The following NEB variants were observed in gnomAD, a reference collection of about 807,000 sequenced individuals.
The protein encoded by NEB is nemaline myopathy type 2.
Under a neutral mutation model 952.2 loss-of-function variants are expected in NEB, and 512 were observed. That is an observed-to-expected ratio of 0.54 (90% CI 0.50 to 0.58). The LOEUF (loss-of-function observed/expected upper bound fraction) is 0.58, where lower values mean the gene tolerates loss of function less well. NEB is among the 20% of genes least tolerant of loss of function. The pLI is 0.00. For missense variants in NEB, 8,428 were observed against 9,231.1 expected (o/e 0.91, Z 3.56); for synonymous variants, 2,900 against 3,149.8 (o/e 0.92, Z 2.66).
chr2:151,671,322 G>C (rs1466367780), intron 37 of NEB, 93 bp from the exon 38 acceptor site: 3 of 1,018,748 alleles, frequency 2.9e-6, no homozygotes, highest in Non-Finnish European at 4.3e-6. Context: ...GAAATGAATA[G>C]CAACTCTTCA....
chr2:151,552,889 C>A, intron 127 of NEB, 113 bp from the exon 128 acceptor site: 1 of 708,510 alleles, frequency 1.4e-6, no homozygotes, highest in Non-Finnish European at 2.5e-6. Flanking sequence ...TTCATCAGCA[C>A]TACTCAACAG....
At chr2:151,659,217 TC>T in intron 46 of NEB, 48 bp from the exon 47 acceptor site, 1 of 1,237,382 alleles carries the variant, frequency 8.1e-7, no homozygotes, top group Non-Finnish European at 1.2e-6. Flanking sequence ...TAAAAGAAGC[TC>T]ACTTAGTACA....
At chr2:151,667,755 T>G (rs1488520525) in intron 40 of NEB, 49 bp downstream of exon 40, 5 of 1,474,490 alleles carry the variant, frequency 3.4e-6, no homozygotes. Flanking sequence ...GGTCTTGAAC[T>G]CCTGAAGTCT....
chr2:151,581,432 T>C (rs934786852), intron 103 of NEB, 51 bp downstream of exon 103: 74 of 501,076 alleles, frequency 1.5e-4, no homozygotes, highest in East Asian at 1.6e-4. Flanking sequence ...TAATAAAAGG[T>C]TTGGTTAGGC....
rs1444124606 is a variant in NEB, at chr2:151,506,146, T to C, written c.23649+20A>G. The C allele has an allele frequency of 6.4e-7, 1 of 1,570,418 alleles. No homozygotes were observed. Among genetic ancestry groups the C allele is most frequent in the East Asian group, 2.2e-5 (1 of 44,640 alleles). ...AAAGGGAGGCAGAAAATATTGCAAG[T>C]GCATTCACTGTGTCTTTACCGAGCT... On this transcript the variant is annotated intron_variant, in intron 164 of 181. Transcript: ENST00000397345.
At chr2:151,732,866 C>G (rs149089623) in intron 3 of NEB, among the ~76,000 whole-genome samples, 1 of 152,100 alleles carries the variant, frequency 6.6e-6, no homozygotes, top group African/African-American at 2.4e-5. Context: ...TTAAAACCTG[C>G]CTTTACTCCA....
chr2:151,562,264 A>G (rs1044092796), intron 120 of NEB, 50 bp from the exon 121 acceptor site: 6 of 1,431,776 alleles, frequency 4.2e-6, no homozygotes, highest in Admixed American at 1.7e-5. Flanking sequence ...TGAATTTACA[A>G]TTGAGCATTT....
At chr2:151,568,787 AT>A in intron 110 of NEB, 71 bp from the exon 111 acceptor site, 1 of 1,083,694 alleles carries the variant, frequency 9.2e-7, no homozygotes. Flanking sequence ...GATACACTAA[AT>A]TTAGAGTCCT....
chr2:151,688,614 C>T (rs1576398968), intron 24 of NEB, among the ~76,000 whole-genome samples: 1 of 152,156 alleles, frequency 6.6e-6, no homozygotes, highest in Non-Finnish European at 1.5e-5. Context: ...TCAAGACCCC[C>T]AGTAGCTGCC....
At chr2:151,550,620 A>C (rs1241692148) in intron 129 of NEB, among the ~76,000 whole-genome samples, 1 of 152,076 alleles carries the variant, frequency 6.6e-6, no homozygotes, top group Non-Finnish European at 1.5e-5. Flanking sequence ...ATTACATTTA[A>C]AATATGAAAA....
chr2:151,680,763 T>C lies in NEB; in HGVS notation c.3009A>G (p.Val1003=), dbSNP rs1246812656. ...FTSIEDAPIT[V]QSKINQAQRS... ...TCTGGGCCTGGTTAATTTTAGACTG[T>C]ACTGTAATTGGAGCATCTTCAATCG... The change falls in exon 30 of 182, where the codon GTA becomes GTG. Residue 1003 remains valine (V), a synonymous_variant. Transcript: ENST00000397345. 3 of 1,612,688 alleles carry C rather than the reference T, an allele frequency of 1.9e-6. No homozygotes were observed. Among genetic ancestry groups the C allele is most frequent in the Admixed American group, 1.7e-5 (1 of 60,022 alleles).
chr2:151,568,101 A>G lies in NEB; in HGVS notation c.17814T>C (p.His5938=), dbSNP rs776069270. ...ILPPDAVPFV[H]AHHCNDVQSE... is the part of the protein sequence containing the mutation. ...TCTGAACGTCATTGCAGTGATGGGC[A>G]TGAACAAATGGCACAGCATCTGGAG... Residue 5938 remains histidine, a synonymous_variant, in exon 113 of 182, where the codon CAT becomes CAC. Transcript: ENST00000397345. The G allele has an allele frequency of 2.1e-5, 34 of 1,613,566 alleles. No individual in the cohort carries two copies. The South Asian group carries it at 3.4e-4, about 16-fold the overall frequency.
chr2:151,631,024 T>C (rs2098656618), intron 66 of NEB, 119 bp downstream of exon 66: 1 of 1,371,730 alleles, frequency 7.3e-7, no homozygotes, highest in Admixed American at 2.2e-5. Flanking sequence ...TTCAAGCATG[T>C]AATTTAAAAG....
rs202159633 is a variant in NEB at position 151,710,467 on chromosome 2, T to C, written c.894A>G (p.Ala298=). The change falls in exon 11 of 182, where the codon GCA becomes GCG. Residue 298 remains alanine (A), a synonymous_variant. Coordinates refer to ENST00000397345, the MANE Select transcript of NEB (RefSeq NM_001164508.2). ...KWSETPCFEV[A]NARMNADNIS... is the part of the protein sequence containing the mutation. ...TGTTATCAGCATTCATTCTGGCATT[T>C]GCAACTTCAAAGCAAGGTGTCTCAC... 1.9e-6 allele frequency: 3 copies of C among 1,612,596 alleles called. No homozygotes were observed. Among genetic ancestry groups the C allele is most frequent in the East Asian group, 2.2e-5 (1 of 44,874 alleles).
intron 180 of NEB, 22 bp from the exon 181 acceptor site, chr2:151,490,099 C>T (rs569107587): frequency 1.3e-6 from 2 of 1,555,222 alleles, no homozygotes; most frequent in South Asian, 1.2e-5. Context: ...GGGGCAAATT[C>T]TTTATAAGAA....
At chr2:151,498,132 T>C (rs748478190) in intron 170 of NEB, 128 bp downstream of exon 170, 2 of 1,523,162 alleles carry the variant, frequency 1.3e-6, no homozygotes, top group East Asian at 2.5e-5. Context: ...GGAAAGTATA[T>C]CCTTTTGTAA....
At position 151,614,601 on chromosome 2, in the gene NEB, G is replaced by T. The variant is rs2098129510; in HGVS notation, c.11290-14C>A. On this transcript the variant is annotated splice_polypyrimidine_tract_variant and intron_variant, in intron 76 of 181. Coordinates refer to ENST00000397345, the MANE Select transcript of NEB (RefSeq NM_001164508.2). ...CTTGTACTTGTACTAAAAAAATAGA[G>T]ATATGAGTATAATGACAAGAACATC... 1.2e-6 allele frequency: 2 copies of T among 1,603,904 alleles called. No individual in the cohort carries two copies. The highest frequency in any genetic ancestry group is 2.2e-5 in the East Asian group (1 of 44,762).
chr2:151,618,420 G>A lies in NEB; in HGVS notation c.10931C>T (p.Ser3644Phe), dbSNP rs1040800672. ...MKGIGWVPIDSLEVVRAKRAG... is the reference protein window; with the variant it reads ...MKGIGWVPIDFLEVVRAKRAG... ...TCTCTTGGCCCTAACAACTTCCAAG[G>A]AATCAATCGGAACCCAGCCAATGCC... The change falls in exon 74 of 182, where the codon TCC (serine) becomes TTC (phenylalanine). Residue 3644 changes from serine to phenylalanine, a missense_variant. Coordinates refer to ENST00000397345, the MANE Select transcript of NEB (RefSeq NM_001164508.2). 1.2e-6 allele frequency: 2 copies of A among 1,613,846 alleles called. No homozygotes were observed. Among genetic ancestry groups the A allele is most frequent in the African/African-American group, 1.3e-5 (1 of 75,012 alleles).
At chr2:151,535,259 G>T (rs528170584) in intron 142 of NEB, among the ~76,000 whole-genome samples, 62 of 152,312 alleles carry the variant, frequency 4.1e-4, no homozygotes, top group Non-Finnish European at 6.9e-4. Flanking sequence ...TATTCCTTTA[G>T]CGTAGCTCTT....
Sources: gnomAD v4.1 joint callset for allele counts (sites outside exome capture counted in the v4.1 genomes callset) on GRCh38, gnomAD v4.1.1 for gene constraint, MANE v1.5 for transcripts, NCBI Gene and HGNC (gene_info 2026-07-23, HGNC 2026-07-21) for gene names.